POLR1A: variants seen among roughly 807,000 people sequenced by gnomAD.
POLR1A encodes DNA-directed RNA polymerase I subunit RPA1.
A neutral mutation model predicts 205.3 loss-of-function variants in POLR1A; 84 were observed. The ratio of observed to expected loss-of-function variants is 0.41; its 90% CI spans 0.34 to 0.49. The LOEUF is 0.49. Among genes scored for constraint, POLR1A ranks in the 20% least tolerant of loss-of-function variants. The pLI is 0.22. For synonymous variants in POLR1A, 799 were observed against 863.7 expected, an observed-to-expected ratio of 0.93 and a Z score of 1.31; for missense variants, 1,645 against 2,204.5, an observed-to-expected ratio of 0.75 and a Z score of 5.08.
rs754974744 is a variant in POLR1A at position 86,038,774 on chromosome 2, C to G, written c.3960G>C (p.Gln1320His). The stretch of plus-strand genomic sequence containing the variant: ...GCTGGTAATATGCATGTGGCAGGAA[C>G]TGAAACCGCAGCTGGTACACCTGGA... The part of the protein sequence containing the change: ...NKFQVYQLRF[Q>H]FLPHAYYQQE... The change falls in exon 27 of 34, where the codon CAG (glutamine) becomes CAC (histidine). Residue 1320 changes from glutamine to histidine, a missense_variant. Gln to His is a conservative substitution (Grantham distance 24, BLOSUM62 0). Around this residue, in one of 16 missense-constraint regions of POLR1A, gnomAD observed 394 missense variants for 468.5 expected, o/e 0.84. Coordinates refer to ENST00000263857, the MANE Select transcript of POLR1A (RefSeq NM_015425.6). 1.2e-6 allele frequency: 2 copies of G among 1,614,000 alleles called. No homozygotes were observed. Among genetic ancestry groups the G allele is most frequent in the East Asian group, 4.5e-5 (2 of 44,886 alleles).
At chr2:86,060,815 A>C (rs992262309) in intron 14 of POLR1A, among the ~76,000 whole-genome samples, 5 of 152,238 alleles carry the variant, frequency 3.3e-5, no homozygotes. Flanking sequence ...ACAAAAAGCC[A>C]AGATTGGCTA....
rs369945407 is a variant in POLR1A at position 86,053,016 on chromosome 2, C to G, written c.2209-16G>C. The G allele has an allele frequency of 6.5e-7, 1 of 1,540,502 alleles. No individual in the cohort carries two copies. ...TGATGATCACCTGCAGAGGGCAAGG[C>G]CACCAATGCCGGGCTGCGGGTGATG... On this transcript the variant is annotated splice_polypyrimidine_tract_variant and intron_variant, in intron 15 of 33. Coordinates refer to ENST00000263857, the MANE Select transcript of POLR1A (RefSeq NM_015425.6).
At chr2:86,064,073 C>T (rs1315953688) in intron 14 of POLR1A, among the ~76,000 whole-genome samples, 1 of 152,196 alleles carries the variant, frequency 6.6e-6, no homozygotes, top group Non-Finnish European at 1.5e-5. Flanking sequence ...TTTTAAAATC[C>T]TCTGTACCAA....
chr2:86,104,185 T>C (rs777413321), intron 1 of POLR1A, among the ~76,000 whole-genome samples: 9 of 152,128 alleles, frequency 5.9e-5, no homozygotes, highest in Admixed American at 5.9e-4. Context: ...GAGCATGCAC[T>C]TGAGAGGTGT....
intron 12 of POLR1A, among the ~76,000 whole-genome samples, chr2:86,073,544 A>G (rs1378468554): frequency 6.6e-6 from 1 of 152,050 alleles, no homozygotes; most frequent in South Asian, 2.1e-4. Context: ...GATGACCCCA[A>G]ACTCTCCCTG....
chr2:86,086,419 G>C (rs147800434), intron 6 of POLR1A, among the ~76,000 whole-genome samples: 257 of 152,278 alleles, frequency 1.7e-3, no homozygotes, highest in Admixed American at 3.5e-3. Flanking sequence ...CTGATACCAG[G>C]AACATGGTCA....
intron 27 of POLR1A, 26 bp downstream of exon 27, chr2:86,038,674 A>G: frequency 6.2e-7 from 1 of 1,610,666 alleles, no homozygotes; most frequent in South Asian, 1.1e-5. Flanking sequence ...GTCAAGGTCA[A>G]TGACAATCAC....
intron 2 of POLR1A, among the ~76,000 whole-genome samples, chr2:86,099,356 TAA>T (rs1183556765): frequency 4.8e-4 from 62 of 128,152 alleles, no homozygotes; most frequent in African/African-American, 4.6e-4. Context: ...GACACTGTCT[TAA>T]AAAAAAAAAA....
At chr2:86,082,940 A>C (rs763312770) in intron 7 of POLR1A, 142 bp downstream of exon 7, 37 of 627,742 alleles carry the variant, frequency 5.9e-5, no homozygotes, top group Non-Finnish European at 8.4e-5. Flanking sequence ...TGTGCCCTGA[A>C]GACTGCCCCA....
chr2:86,042,907 C>G, intron 23 of POLR1A, 67 bp downstream of exon 23: 4 of 1,152,742 alleles, frequency 3.5e-6, no homozygotes, highest in Non-Finnish European at 5.2e-6. Context: ...AAAACAGCCC[C>G]TCATCCCTCA....
intron 3 of POLR1A, among the ~76,000 whole-genome samples, chr2:86,095,730 CT>C (rs3077170): frequency 0.12 from 16,883 of 141,488 alleles, 1,287 homozygotes; most frequent in East Asian, 0.32. Flanking sequence ...ATATTCTTTT[CT>C]TTTTTTTTTT....
intron 27 of POLR1A, among the ~76,000 whole-genome samples, chr2:86,036,440 A>G (rs1254896029): frequency 6.6e-6 from 1 of 152,016 alleles, no homozygotes; most frequent in African/African-American, 2.4e-5. Flanking sequence ...AGGCTCTGTC[A>G]AGGGTCTCAT....
At chr2:86,038,295 C>T (rs1672535148) in intron 27 of POLR1A, among the ~76,000 whole-genome samples, 2 of 152,194 alleles carry the variant, frequency 1.3e-5, no homozygotes, top group African/African-American at 4.8e-5. Flanking sequence ...CATCAGGAAC[C>T]ACATTATACT....
At chr2:86,073,571 A>T (rs1338483607) in intron 12 of POLR1A, among the ~76,000 whole-genome samples, 1 of 152,064 alleles carries the variant, frequency 6.6e-6, no homozygotes, top group African/African-American at 2.4e-5. Flanking sequence ...TGCCCTGCAC[A>T]TTCCCCTCAA....
intron 15 of POLR1A, among the ~76,000 whole-genome samples, chr2:86,053,231 T>C (rs1033125009): frequency 6.6e-6 from 1 of 152,150 alleles, no homozygotes; most frequent in African/African-American, 2.4e-5. Flanking sequence ...AGCAGTTTTT[T>C]TTCTTCCCTT....
chr2:86,090,634 G>A (rs6720327), intron 3 of POLR1A, among the ~76,000 whole-genome samples: 111,027 of 152,196 alleles, frequency 0.73, 42,667 homozygotes, highest in Non-Finnish European at 0.85. Context: ...CTTTGGTGCT[G>A]TGCTGAAGCA....
intron 16 of POLR1A, among the ~76,000 whole-genome samples, chr2:86,050,673 C>T (rs745565960): frequency 1.8e-4 from 28 of 152,342 alleles, no homozygotes; most frequent in South Asian, 6.2e-4. Flanking sequence ...TAAGTTTGTT[C>T]CTCATCATGA....
At position 86,033,673 on chromosome 2, in the gene POLR1A, C is replaced by T. The variant is rs1365184924; in HGVS notation, c.4149G>A (p.Leu1383=). 3 of 1,613,484 alleles carry T rather than the reference C, an allele frequency of 1.9e-6. No individual in the cohort carries two copies. Among genetic ancestry groups the T allele is most frequent in the Non-Finnish European group, 2.5e-6 (3 of 1,179,922 alleles). The stretch of plus-strand genomic sequence containing the variant: ...GGGACTCACTCACCCGACTCCTCCC[C>T]AACTCCCCAGCGTTGTCCAGATCCC... ...TQRDLDNAGE[L]GRSRGEQEGD... The change falls in exon 28 of 34, where the codon TTG becomes TTA. Residue 1383 remains leucine (L), a synonymous_variant. Coordinates refer to ENST00000263857, the MANE Select transcript of POLR1A (RefSeq NM_015425.6).
chr2:86,044,762 G>A (rs1672681073), intron 21 of POLR1A, among the ~76,000 whole-genome samples: 1 of 152,350 alleles, frequency 6.6e-6, no homozygotes, highest in South Asian at 2.1e-4. Context: ...ACATGCTGAT[G>A]TGAATCCCTC....
Sources: gnomAD v4.1 joint callset for allele counts (sites outside exome capture counted in the v4.1 genomes callset) on GRCh38, gnomAD v4.1.1 for gene constraint, gnomAD v4.1.1 regional missense constraint, MANE v1.5 for transcripts, NCBI Gene and HGNC (gene_info 2026-07-23, HGNC 2026-07-21) for gene names.